Variants in PSD3 observed in about 807,000 individuals in gnomAD.
PSD3 encodes the protein PH and SEC7 domain-containing protein 3.
In PSD3, 49 loss-of-function variants were observed where a neutral mutation model predicts 105.5. That is an observed-to-expected ratio of 0.46 (90% CI 0.37 to 0.59). PSD3 has a LOEUF of 0.59. Ranked by LOEUF, PSD3 falls within the 20% of genes least tolerant of loss-of-function variation. The pLI, the probability that PSD3 is intolerant of heterozygous loss-of-function variation, is 0.00. For missense variants in PSD3, 1,561 were observed against 1,263.8 expected, an observed-to-expected ratio of 1.24 and a Z score of -3.57; for synonymous variants, 557 against 457.8, an observed-to-expected ratio of 1.22 and a Z score of -2.77.
chr8:18,856,021 G>T (rs1815979950), intron 4 of PSD3, among the ~76,000 whole-genome samples: 1 of 152,106 alleles, frequency 6.6e-6, no homozygotes, highest in Non-Finnish European at 1.5e-5. Flanking sequence ...GGGGCAAAGA[G>T]GTTAACAATT....
At chr8:18,620,805 T>C (rs1806059417) in intron 11 of PSD3, among the ~76,000 whole-genome samples, 1 of 152,234 alleles carries the variant, frequency 6.6e-6, no homozygotes, top group African/African-American at 2.4e-5. Context: ...ATCCCCATGA[T>C]TAATTCCTTT....
In PSD3 at chr8:18,528,021, C is replaced by G. The variant is rs946741449; in HGVS notation, c.*7722G>C. 1.3e-5 allele frequency: 2 copies of G among 152,112 alleles called. No individual in the cohort carries two copies. Among genetic ancestry groups the G allele is most frequent in the Non-Finnish European group, 2.9e-5 (2 of 68,036 alleles). 9.4% of individuals were successfully genotyped at this position (152,112 alleles called of 1,614,324 possible). On this transcript the variant is annotated 3_prime_UTR_variant, in exon 16 of 16. Transcript: ENST00000327040. ...AGTTTGAGCCACAGTGAATATAACT[C>G]AGTTATTATAATAGGCTGGAAAAGT...
intron 4 of PSD3, among the ~76,000 whole-genome samples, chr8:18,819,575 A>ATTTTTTTTTTTTTTT (rs746931460): frequency 1.8e-5 from 2 of 111,320 alleles, no homozygotes; most frequent in Non-Finnish European, 3.5e-5. Flanking sequence ...ATTAGAATGG[A>ATTTTTTTTTTTTTTT]TTTTTTTTTT....
intron 9 of PSD3, among the ~76,000 whole-genome samples, chr8:18,677,455 G>C (rs1332459009): frequency 6.6e-6 from 1 of 152,080 alleles, no homozygotes; most frequent in Non-Finnish European, 1.5e-5. Flanking sequence ...TGGTGCATGA[G>C]AATTGCCTGA....
intron 1 of PSD3, among the ~76,000 whole-genome samples, chr8:18,976,832 T>C (rs552126581): frequency 6.6e-6 from 1 of 152,322 alleles, no homozygotes; most frequent in African/African-American, 2.4e-5. Flanking sequence ...ATTGCAAATA[T>C]CTGAAAACAA....
chr8:18,580,788 C>A (rs547305175), intron 12 of PSD3, among the ~76,000 whole-genome samples: 1 of 152,088 alleles, frequency 6.6e-6, no homozygotes, highest in Non-Finnish European at 1.5e-5. Flanking sequence ...GCTTTCTAGA[C>A]CCTAAAGATA....
chr8:18,812,544 A>T (rs946076447), intron 4 of PSD3, among the ~76,000 whole-genome samples: 1 of 152,172 alleles, frequency 6.6e-6, no homozygotes, highest in African/African-American at 2.4e-5. Flanking sequence ...TAGGGGCTAT[A>T]GGTCCCGGAG....
Position 18,547,867 on chromosome 8 carries a change from A to G in PSD3, c.2928+8342T>C, listed in dbSNP as rs564285390. Among the ~76,000 whole-genome samples the G allele has an allele frequency of 1.8e-4, 27 of 152,290 alleles. No homozygotes were observed. In the South Asian group the frequency reaches 5.6e-3, roughly 32 times the overall value. On this transcript the variant is annotated intron_variant, in intron 15 of 15. Coordinates refer to ENST00000327040, the MANE Select transcript of PSD3 (RefSeq NM_015310.4). ...GATTTGGGAAGTATTCAGTCTTTAA[A>G]TAAGTATTCTTTAAATAAGCTTTCT...
At chr8:18,761,639 A>G (rs1181163537) in intron 9 of PSD3, among the ~76,000 whole-genome samples, 1 of 152,204 alleles carries the variant, frequency 6.6e-6, no homozygotes, top group African/African-American at 2.4e-5. Flanking sequence ...ATACAGAGCT[A>G]GCCTGCATTC....
intron 1 of PSD3, among the ~76,000 whole-genome samples, chr8:18,968,199 G>A (rs915495617): frequency 7.9e-5 from 12 of 152,124 alleles, no homozygotes; most frequent in Admixed American, 7.2e-4. Context: ...CTTCAATTAA[G>A]AAAACCTTAT....
intron 2 of PSD3, among the ~76,000 whole-genome samples, chr8:18,925,627 T>C (rs1235782774): frequency 6.6e-6 from 1 of 152,076 alleles, no homozygotes; most frequent in African/African-American, 2.4e-5. Flanking sequence ...AAAGTGCCCA[T>C]AGACAACATG....
chr8:18,925,091 G>A (rs1821279842), intron 2 of PSD3, among the ~76,000 whole-genome samples: 1 of 152,196 alleles, frequency 6.6e-6, no homozygotes, highest in African/African-American at 2.4e-5. Context: ...GAAGGGGCTT[G>A]TATACAGATT....
At chr8:18,859,145 C>T (rs1044294675) in intron 4 of PSD3, among the ~76,000 whole-genome samples, 1 of 151,702 alleles carries the variant, frequency 6.6e-6, no homozygotes, top group Non-Finnish European at 1.5e-5. Context: ...CTACATCAGT[C>T]TTCTTGTACA....
chr8:18,800,466 T>C (rs893668708), intron 7 of PSD3, among the ~76,000 whole-genome samples: 4 of 152,192 alleles, frequency 2.6e-5, no homozygotes, highest in African/African-American at 9.7e-5. Context: ...AGCTAAGAGG[T>C]AATTACTATT....
At chr8:18,588,352 G>C (rs549270465) in intron 12 of PSD3, among the ~76,000 whole-genome samples, 20 of 152,282 alleles carry the variant, frequency 1.3e-4, no homozygotes, top group African/African-American at 4.8e-4. Flanking sequence ...TGAGGAATTA[G>C]TCTCTAGGAT....
chr8:18,658,418 G>A (rs375771448), intron 9 of PSD3, among the ~76,000 whole-genome samples: 2 of 151,876 alleles, frequency 1.3e-5, no homozygotes, highest in South Asian at 2.1e-4. Context: ...TTCCTTTCCC[G>A]TGTAGCCTAG....
intron 10 of PSD3, among the ~76,000 whole-genome samples, chr8:18,646,271 A>C (rs1487756): frequency 0.042 from 6,327 of 152,206 alleles, 145 homozygotes; most frequent in East Asian, 0.093. Flanking sequence ...TTCGAGCAAG[A>C]AAGTTTTCCT....
At chr8:18,905,380 G>A (rs1236351388) in intron 2 of PSD3, among the ~76,000 whole-genome samples, 2 of 152,188 alleles carry the variant, frequency 1.3e-5, no homozygotes, top group Non-Finnish European at 2.9e-5. Flanking sequence ...CTGGAGTGCA[G>A]TGGCGCGATC....
chr8:18,535,125 C>T lies in PSD3; in HGVS notation c.*618G>A. On this transcript the variant is annotated 3_prime_UTR_variant, in exon 16 of 16. Transcript: ENST00000327040. ...AAGCTAATGTGCTTCCCTAAGTTCT[C>T]AATCCTACGATCTTCACGCTTCTTT... 6.5e-6 allele frequency: 1 copy of T among 152,858 alleles called. No individual in the cohort carries two copies. The highest frequency in any genetic ancestry group is 6.5e-5 in the Admixed American group (1 of 15,304). The allele number at this position is 152,858 out of a possible 1,614,324, so 9.5% of individuals were successfully genotyped here.
Sources: allele counts gnomAD v4.1 joint callset (sites outside exome capture counted in the v4.1 genomes callset), GRCh38; gene constraint gnomAD v4.1.1; transcripts MANE v1.5; gene names NCBI Gene and HGNC (gene_info 2026-07-23, HGNC 2026-07-21).